The following COL4A6 variants were observed in gnomAD, a reference collection of about 807,000 sequenced individuals.
COL4A6 encodes collagen alpha-6(IV) chain.
A neutral mutation model predicts 126.7 loss-of-function variants in COL4A6; 59 were observed. That is an observed-to-expected ratio of 0.47 (90% confidence interval 0.38 to 0.58). COL4A6 has a LOEUF of 0.58. Among genes scored for constraint, COL4A6 ranks in the 20% least tolerant of loss-of-function variants. COL4A6 has a pLI of 0.00. For missense variants in COL4A6, 1,285 were observed against 1,337.3 expected (o/e 0.96, Z 0.61); for synonymous variants, 547 against 496.6 (o/e 1.10, Z -1.35).
chrX:108,169,908 C>A, intron 36 of COL4A6, 37 bp downstream of exon 36: 1 of 1,122,814 alleles, frequency 8.9e-7, no homozygotes, highest in Non-Finnish European at 1.2e-6. Context: ...TCTGGAAGAG[C>A]TGATGCCCTC....
At chrX:108,254,955 C>G (rs771352673) in intron 3 of COL4A6, among the ~76,000 whole-genome samples, 2 of 108,674 alleles carry the variant, frequency 1.8e-5, no homozygotes, top group African/African-American at 3.3e-5. Flanking sequence ...TGGGCAAATC[C>G]TAACTTCTTA....
intron 2 of COL4A6, among the ~76,000 whole-genome samples, chrX:108,427,097 T>C (rs778701727): frequency 1.5e-4 from 17 of 111,963 alleles, no homozygotes; most frequent in Non-Finnish European, 2.8e-4. Flanking sequence ...GCAATAACTA[T>C]AATGTCAATT....
At chrX:108,324,955 A>G (rs1035247463) in intron 2 of COL4A6, among the ~76,000 whole-genome samples, 1 of 112,556 alleles carries the variant, frequency 8.9e-6, no homozygotes, top group East Asian at 2.8e-4. Context: ...TTTGGCTGCA[A>G]TATTAAGCTG....
At chrX:108,266,656 T>C (rs1010885126) in intron 3 of COL4A6, among the ~76,000 whole-genome samples, 2 of 111,723 alleles carry the variant, frequency 1.8e-5, no homozygotes, top group Non-Finnish European at 3.8e-5. Flanking sequence ...TATGTAAGTA[T>C]AGAATTCTGA....
intron 2 of COL4A6, among the ~76,000 whole-genome samples, chrX:108,312,929 G>GAA (rs376518602): frequency 2.5e-4 from 26 of 105,734 alleles, no homozygotes; most frequent in African/African-American, 8.9e-4. Context: ...ATAAGACAGG[G>GAA]AAAAAAAAAA....
Position 108,384,740 on chromosome X carries a change from C to T in COL4A6, c.63+53202G>A, listed in dbSNP as rs779977723. On this transcript the variant is annotated intron_variant, in intron 2 of 44. Transcript: ENST00000334504. ...TAGAGAATAAAGGAAACGTAAATGTCGACTCTCAACTGCTCTCATTTTAAG... is the reference window on the plus strand; with the variant it reads ...TAGAGAATAAAGGAAACGTAAATGTTGACTCTCAACTGCTCTCATTTTAAG... Among the ~76,000 whole-genome samples, 7 of 111,750 alleles carry T rather than the reference C, an allele frequency of 6.3e-5. No individual in the cohort carries two copies. In the East Asian group the frequency reaches 8.4e-4, roughly 13 times the overall value.
At position 108,206,362 on chromosome X, in the gene COL4A6, G is replaced by A. The variant is rs73636380; in HGVS notation, c.609+156C>T. On this transcript the variant is annotated intron_variant, in intron 9 of 44. Coordinates refer to ENST00000334504, the MANE Select transcript of COL4A6 (RefSeq NM_033641.4). ...TGATAAATAACTCCAATAGCTCCTC[G>A]CAAGAGCATGCTTTACTTTAACCCT... 20,412 of 583,805 alleles carry A rather than the reference G, an allele frequency of 0.035. 489 individuals are homozygous for A. Among genetic ancestry groups the A allele is most frequent in the African/African-American group, 0.12 (5,310 of 44,932 alleles). 48.1% of individuals were successfully genotyped at this position (583,805 alleles called of 1,213,427 possible).
intron 3 of COL4A6, among the ~76,000 whole-genome samples, chrX:108,226,076 T>C (rs1460158638): frequency 8.9e-6 from 1 of 112,617 alleles, no homozygotes; most frequent in Non-Finnish European, 1.9e-5. Context: ...ACACTTTAAA[T>C]GAAGTCTCCT....
Position 108,283,445 on chromosome X carries a change from TAGCTC to T in COL4A6, c.144+27298_144+27302del, listed in dbSNP as rs775930055. Among the ~76,000 whole-genome samples the T allele has an allele frequency of 2.4e-4, 27 of 112,003 alleles. 1 individual carries two copies. The South Asian group carries it at 9.3e-3, about 39-fold the overall frequency. The stretch of plus-strand genomic sequence containing the variant: ...AGTCTTGTATTTCCGCTCCTGTACC[TAGCTC>T]AATTCTGTACACTTCTAAGTGTTCA... On this transcript the variant is annotated intron_variant, in intron 3 of 44. Coordinates refer to ENST00000334504, the MANE Select transcript of COL4A6 (RefSeq NM_033641.4).
At chrX:108,313,539 A>C (rs1028028778) in intron 2 of COL4A6, among the ~76,000 whole-genome samples, 2 of 111,531 alleles carry the variant, frequency 1.8e-5, no homozygotes, top group African/African-American at 6.5e-5. Flanking sequence ...TTTAGGGTAC[A>C]TGTGCACAAC....
intron 2 of COL4A6, among the ~76,000 whole-genome samples, chrX:108,403,283 A>G (rs1026997082): frequency 4.0e-5 from 2 of 50,256 alleles, no homozygotes; most frequent in African/African-American, 1.5e-4. Context: ...TCTCTCTCTC[A>G]TCTTGTTTTG....
In COL4A6 at chrX:108,304,358, A is replaced by T. The variant is rs200191195; in HGVS notation, c.144+6390T>A. 5.4e-5 allele frequency among the ~76,000 whole-genome samples: 6 copies of T among 111,886 alleles called. No individual in the cohort carries two copies. In the East Asian group the frequency reaches 8.5e-4, roughly 16 times the overall value. On this transcript the variant is annotated intron_variant, in intron 3 of 44. Transcript: ENST00000334504. ...CAGAGACACATGTTTTAACACTATCATTAATTATCCTGAACCGAAAGAACC... is the reference window on the plus strand; with the variant it reads ...CAGAGACACATGTTTTAACACTATCTTTAATTATCCTGAACCGAAAGAACC...
rs1310447653 is a variant in COL4A6 at position 108,383,644 on chromosome X, A to T, written c.63+54298T>A. On this transcript the variant is annotated intron_variant, in intron 2 of 44. Coordinates refer to ENST00000334504, the MANE Select transcript of COL4A6 (RefSeq NM_033641.4). ...AATGGGGCACTATGCTGACCAATTT[A>T]AGGGGAAAACCAGTGCCGTTGAACA... The T allele has an allele frequency of 5.6e-6, 3 of 539,637 alleles. No individual in the cohort carries two copies. The East Asian group carries it at 1.0e-4, about 19-fold the overall frequency. 44.5% of individuals were successfully genotyped at this position (539,637 alleles called of 1,213,427 possible).
At chrX:108,302,660 A>G (rs1432161189) in intron 3 of COL4A6, among the ~76,000 whole-genome samples, 1 of 110,826 alleles carries the variant, frequency 9.0e-6, no homozygotes, top group Non-Finnish European at 1.9e-5. Context: ...TATCTCTGGT[A>G]TACATTCAGG....
chrX:108,327,567 C>A (rs748173353), intron 2 of COL4A6, among the ~76,000 whole-genome samples: 1 of 109,510 alleles, frequency 9.1e-6, no homozygotes, highest in East Asian at 2.9e-4. Context: ...TTTATGTTTC[C>A]ATTTCCATGG....
intron 3 of COL4A6, among the ~76,000 whole-genome samples, chrX:108,265,400 T>TG (rs2037275084): frequency 9.1e-6 from 1 of 110,071 alleles, no homozygotes; most frequent in Non-Finnish European, 1.9e-5. Context: ...GTTTTTTTTT[T>TG]TGACAAACAT....
chrX:108,409,994 C>T (rs1033264227), intron 2 of COL4A6, among the ~76,000 whole-genome samples: 1 of 111,480 alleles, frequency 9.0e-6, no homozygotes, highest in African/African-American at 3.3e-5. Context: ...GAAAGAGATC[C>T]CCGGGAAGGT....
intron 2 of COL4A6, among the ~76,000 whole-genome samples, chrX:108,332,621 A>G (rs1335001529): frequency 9.0e-6 from 1 of 110,829 alleles, no homozygotes; most frequent in East Asian, 2.8e-4. Context: ...GCATGTTTTC[A>G]TGTTTGTTGG....
At chrX:108,222,191 T>C (rs2036036368) in intron 3 of COL4A6, among the ~76,000 whole-genome samples, 1 of 112,430 alleles carries the variant, frequency 8.9e-6, no homozygotes, top group African/African-American at 3.2e-5. Context: ...TCAGACTGAG[T>C]ATTAACCCTA....
Sources: allele counts gnomAD v4.1 joint callset (sites outside exome capture counted in the v4.1 genomes callset), GRCh38; gene constraint gnomAD v4.1.1; transcripts MANE v1.5; gene names NCBI Gene and HGNC (gene_info 2026-07-23, HGNC 2026-07-21).